Variants in KCNQ3 observed in about 807,000 individuals in gnomAD.
KCNQ3 encodes the protein potassium voltage-gated channel subfamily KQT member 3.
KCNQ3 carries 30 observed loss-of-function variants against 92.5 expected under a neutral mutation model. That is an observed-to-expected ratio of 0.32 (90% CI 0.24 to 0.44). The LOEUF (loss-of-function observed/expected upper bound fraction) is 0.44. Among genes scored for constraint, KCNQ3 ranks in the 20% least tolerant of loss-of-function variants. The probability of loss-of-function intolerance (pLI) is 1.00; values close to 1 mark genes in which losing one functional copy is unlikely to be tolerated. For missense variants in KCNQ3, 913 were observed against 1,140.3 expected (o/e 0.80, Z 2.87); for synonymous variants, 450 against 468.8 (o/e 0.96, Z 0.52).
intron 1 of KCNQ3, among the ~76,000 whole-genome samples, chr8:132,464,567 T>C (rs1822129809): frequency 6.6e-6 from 1 of 152,204 alleles, no homozygotes; most frequent in Non-Finnish European, 1.5e-5. Context: ...TTTGTATCAC[T>C]TTCAGCAACT....
chr8:132,164,004 G>A (rs950429777), intron 8 of KCNQ3, among the ~76,000 whole-genome samples: 1 of 152,176 alleles, frequency 6.6e-6, no homozygotes, highest in African/African-American at 2.4e-5. Flanking sequence ...TAAATGAATT[G>A]CTCAAGGGCT....
chr8:132,214,143 G>A (rs138486245), intron 1 of KCNQ3, among the ~76,000 whole-genome samples: 123 of 152,238 alleles, frequency 8.1e-4, no homozygotes, highest in Non-Finnish European at 1.4e-3. Context: ...AAATCACCTC[G>A]GTGCTGTAGG....
intron 1 of KCNQ3, among the ~76,000 whole-genome samples, chr8:132,412,011 G>A (rs1820665088): frequency 6.6e-6 from 1 of 152,122 alleles, no homozygotes; most frequent in African/African-American, 2.4e-5. Flanking sequence ...ACTAGGATTT[G>A]AACCTTAGCT....
chr8:132,317,688 C>A (rs1411629769), intron 1 of KCNQ3, among the ~76,000 whole-genome samples: 1 of 152,112 alleles, frequency 6.6e-6, no homozygotes, highest in Non-Finnish European at 1.5e-5. Context: ...TGCTGCCCAC[C>A]CCACCTCTCC....
At chr8:132,337,821 C>T (rs1254566696) in intron 1 of KCNQ3, among the ~76,000 whole-genome samples, 1 of 152,200 alleles carries the variant, frequency 6.6e-6, no homozygotes, top group Non-Finnish European at 1.5e-5. Flanking sequence ...CCCCAAAAAC[C>T]TTTTGTGGGT....
chr8:132,259,573 C>T (rs187698022), intron 1 of KCNQ3, among the ~76,000 whole-genome samples: 240 of 152,198 alleles, frequency 1.6e-3, no homozygotes, highest in African/African-American at 5.6e-3. Context: ...AATTCTTTGC[C>T]CCACAAAATC....
intron 1 of KCNQ3, among the ~76,000 whole-genome samples, chr8:132,448,333 A>G (rs921203142): frequency 3.3e-5 from 5 of 151,892 alleles, no homozygotes; most frequent in Non-Finnish European, 7.4e-5. Context: ...TTTGGGGTCC[A>G]TGAGCAAGCA....
intron 1 of KCNQ3, among the ~76,000 whole-genome samples, chr8:132,472,911 A>T (rs1272218203): frequency 6.6e-6 from 1 of 152,210 alleles, no homozygotes; most frequent in African/African-American, 2.4e-5. Context: ...AATTTAAAAA[A>T]TTTTACAACA....
chr8:132,157,206 G>T (rs1024762409), intron 9 of KCNQ3, among the ~76,000 whole-genome samples: 2 of 152,192 alleles, frequency 1.3e-5, no homozygotes, highest in Non-Finnish European at 2.9e-5. Flanking sequence ...TTTTCAGACT[G>T]ATGAAGCCAA....
chr8:132,131,580 C>G (rs1824879594), intron 14 of KCNQ3, among the ~76,000 whole-genome samples: 1 of 152,086 alleles, frequency 6.6e-6, no homozygotes, highest in Non-Finnish European at 1.5e-5. Context: ...TATCAAGTGT[C>G]CACTGTGCCC....
intron 1 of KCNQ3, among the ~76,000 whole-genome samples, chr8:132,361,820 C>T (rs1422944617): frequency 6.6e-6 from 1 of 151,994 alleles, no homozygotes; most frequent in Admixed American, 6.5e-5. Context: ...TTAAACTGTC[C>T]ATTCGTATGT....
Position 132,442,255 on chromosome 8 carries a change from G to A in KCNQ3, c.386+37892C>T, listed in dbSNP as rs1036237978. On this transcript the variant is annotated intron_variant, in intron 1 of 14. Transcript: ENST00000388996. ...AAAGTTTAAAAAAAGAAAGTAAACC[G>A]GATTCTTCCTCCATATGTATCTCAG... is the stretch of plus-strand genomic sequence containing the variant. Among the ~76,000 whole-genome samples the A allele has an allele frequency of 3.9e-5, 6 of 152,048 alleles. No homozygotes were observed. In the East Asian group the frequency reaches 5.8e-4, roughly 15 times the overall value.
At chr8:132,390,364 G>A (rs529093959) in intron 1 of KCNQ3, among the ~76,000 whole-genome samples, 131 of 152,280 alleles carry the variant, frequency 8.6e-4, no homozygotes, top group African/African-American at 3.0e-3. Flanking sequence ...CCAAGTACTG[G>A]CAATGGTCTT....
chr8:132,229,737 G>A (rs776903707), intron 1 of KCNQ3, among the ~76,000 whole-genome samples: 6 of 151,932 alleles, frequency 3.9e-5, no homozygotes, highest in Admixed American at 2.0e-4. Context: ...GACACCCCAG[G>A]GCCTTCCAAG....
chr8:132,393,229 C>T (rs972600939), intron 1 of KCNQ3, among the ~76,000 whole-genome samples: 3 of 152,228 alleles, frequency 2.0e-5, no homozygotes, highest in Non-Finnish European at 2.9e-5. Flanking sequence ...ACTTTATTTT[C>T]TTCCTAGTCC....
chr8:132,152,108 A>C (rs1042842845), intron 9 of KCNQ3, among the ~76,000 whole-genome samples: 2 of 152,208 alleles, frequency 1.3e-5, no homozygotes, highest in Non-Finnish European at 2.9e-5. Flanking sequence ...GACGGTTTAT[A>C]ATAAGCTACA....
At chr8:132,445,979 G>A (rs1360861037) in intron 1 of KCNQ3, among the ~76,000 whole-genome samples, 2 of 152,098 alleles carry the variant, frequency 1.3e-5, no homozygotes, top group Admixed American at 1.3e-4. Flanking sequence ...CCATATGCCC[G>A]GGATACCTTG....
chr8:132,407,828 A>G (rs1242576596), intron 1 of KCNQ3, among the ~76,000 whole-genome samples: 1 of 152,176 alleles, frequency 6.6e-6, no homozygotes, highest in African/African-American at 2.4e-5. Flanking sequence ...TGTATCTTTC[A>G]CATGCTCTCC....
At chr8:132,229,468 C>T (rs1454024774) in intron 1 of KCNQ3, among the ~76,000 whole-genome samples, 1 of 151,974 alleles carries the variant, frequency 6.6e-6, no homozygotes, top group Non-Finnish European at 1.5e-5. Context: ...CGGAGGATGG[C>T]ATGGCTAGCT....
Sources: allele counts gnomAD v4.1 joint callset (sites outside exome capture counted in the v4.1 genomes callset), GRCh38; gene constraint gnomAD v4.1.1; transcripts MANE v1.5; gene names NCBI Gene and HGNC (gene_info 2026-07-23, HGNC 2026-07-21).